Variants in LRRC8D observed in about 807,000 individuals in gnomAD.
The protein encoded by LRRC8D is volume-regulated anion channel subunit LRRC8D.
In LRRC8D, 20 loss-of-function variants were observed where a neutral mutation model predicts 55.8. The ratio of observed to expected loss-of-function variants is 0.36; its 90% confidence interval spans 0.25 to 0.52. The LOEUF (loss-of-function observed/expected upper bound fraction) is 0.52. Ranked by LOEUF, LRRC8D falls within the 20% of genes least tolerant of loss-of-function variation. The pLI, the probability that LRRC8D is intolerant of heterozygous loss-of-function variation, is 0.93. For synonymous variants in LRRC8D, 352 were observed against 377.0 expected, an observed-to-expected ratio of 0.93 and a Z score of 0.77; for missense variants, 651 against 1,030.8, an observed-to-expected ratio of 0.63 and a Z score of 5.05.
At chr1:89,842,440 A>C (rs61773291) in intron 1 of LRRC8D, among the ~76,000 whole-genome samples, 12 of 152,234 alleles carry the variant, frequency 7.9e-5, no homozygotes, top group East Asian at 5.8e-4. Flanking sequence ...GGGATTTAAA[A>C]TGAGATGTTG....
In LRRC8D at chr1:89,841,983, C is replaced by T. The variant is rs151034705; in HGVS notation, c.-147-1655C>T. The stretch of plus-strand genomic sequence containing the variant: ...ATCCCAGCACTTTGGGAGGCTGAGG[C>T]GGGTGGATCATGAGGTCAGGAGATC... On this transcript the variant is annotated intron_variant, in intron 1 of 2. Coordinates refer to ENST00000337338, the MANE Select transcript of LRRC8D (RefSeq NM_001134479.2). Among the ~76,000 whole-genome samples, 1,436 of 152,080 alleles carry T rather than the reference C, an allele frequency of 9.4e-3. 15 individuals are homozygous for T. Among genetic ancestry groups the T allele is most frequent in the African/African-American group, 0.033 (1,378 of 41,476 alleles).
intron 2 of LRRC8D, among the ~76,000 whole-genome samples, chr1:89,868,044 A>G (rs996573078): frequency 1.3e-5 from 2 of 152,198 alleles, no homozygotes; most frequent in Non-Finnish European, 2.9e-5. Flanking sequence ...GAACTGGGTT[A>G]TCTGTGATAA....
chr1:89,887,716 C>G (rs1051103342), intron 2 of LRRC8D, among the ~76,000 whole-genome samples: 1 of 152,142 alleles, frequency 6.6e-6, no homozygotes, highest in African/African-American at 2.4e-5. Context: ...CTAACTCTTT[C>G]TATCCTGTAT....
chr1:89,874,560 T>G (rs1557462381), intron 2 of LRRC8D, among the ~76,000 whole-genome samples: 1 of 151,634 alleles, frequency 6.6e-6, no homozygotes, highest in Non-Finnish European at 1.5e-5. Context: ...CTTTATCACC[T>G]AAAAAAAGAA....
intron 2 of LRRC8D, among the ~76,000 whole-genome samples, chr1:89,922,190 A>G (rs1031177580): frequency 1.3e-5 from 2 of 151,934 alleles, no homozygotes; most frequent in African/African-American, 4.8e-5. Context: ...CAGCCTCCCA[A>G]GTAGCTGGGA....
intron 2 of LRRC8D, among the ~76,000 whole-genome samples, chr1:89,914,256 C>T (rs1003779328): frequency 2.6e-5 from 4 of 152,218 alleles, no homozygotes; most frequent in Admixed American, 6.5e-5. Context: ...GCTCCGAGTG[C>T]GGGGCCCACC....
chr1:89,933,544 C>T lies in LRRC8D; in HGVS notation c.476C>T (p.Pro159Leu), dbSNP rs766660730. 3.1e-6 allele frequency: 5 copies of T among 1,614,108 alleles called. No homozygotes were observed. The highest frequency in any genetic ancestry group is 1.1e-5 in the South Asian group (1 of 91,074). Residue 159 changes from proline (P) to leucine (L), a missense_variant, in exon 3 of 3, where the codon CCG (proline) becomes CTG (leucine). Pro to Leu is a moderately conservative substitution (Grantham distance 98). This residue lies in a region of LRRC8D where 178 missense variants were observed against 374.9 expected (regional missense o/e 0.47). Transcript: ENST00000337338. This position sits in a 1 kb window ranked among gnomAD's most constrained non-coding sequence, Gnocchi z 7.0. ...CAAATGTGTTACCATCTGGCCCTTC[C>T]GTGGTATTCTAAGTACTTTCCATAC... ...INQMCYHLAL[P>L]WYSKYFPYLA...
chr1:89,926,375 T>G (rs1364501432), intron 2 of LRRC8D, among the ~76,000 whole-genome samples: 3 of 152,368 alleles, frequency 2.0e-5, no homozygotes, highest in Admixed American at 6.5e-5. Flanking sequence ...GGGATCTCCT[T>G]GAGGGCAAGG....
Position 89,919,761 on chromosome 1 carries a change from C to T in LRRC8D, c.-2-13306C>T, listed in dbSNP as rs185446889. On this transcript the variant is annotated intron_variant, in intron 2 of 2. Coordinates refer to ENST00000337338, the MANE Select transcript of LRRC8D (RefSeq NM_001134479.2). ...ATGAAACTATTGTCATTATCCCTTG[C>T]TCTTTTTATGTTTCCTCTAAGTTGC... is the stretch of plus-strand genomic sequence containing the variant. 9.1e-4 allele frequency among the ~76,000 whole-genome samples: 138 copies of T among 152,290 alleles called. 1 individual carries two copies. The Middle Eastern group carries it at 0.01, about 11-fold the overall frequency.
intron 2 of LRRC8D, among the ~76,000 whole-genome samples, chr1:89,848,574 G>A (rs369902226): frequency 6.6e-6 from 1 of 152,030 alleles, no homozygotes; most frequent in East Asian, 1.9e-4. Context: ...TCCTTTATTT[G>A]TTAAAAGAAA....
chr1:89,928,192 T>G (rs972692311), intron 2 of LRRC8D, among the ~76,000 whole-genome samples: 3 of 152,154 alleles, frequency 2.0e-5, no homozygotes, highest in African/African-American at 7.2e-5. Flanking sequence ...TGCCTCAGCC[T>G]CCTGAGTAGC....
chr1:89,856,336 A>T (rs533811298), intron 2 of LRRC8D, among the ~76,000 whole-genome samples: 9 of 151,812 alleles, frequency 5.9e-5, no homozygotes, highest in Admixed American at 2.0e-4. Flanking sequence ...TCTCTCTCTC[A>T]CACACACACA....
intron 2 of LRRC8D, among the ~76,000 whole-genome samples, chr1:89,847,545 G>T (rs1484790163): frequency 2.0e-5 from 3 of 152,192 alleles, no homozygotes; most frequent in Non-Finnish European, 4.4e-5. Flanking sequence ...AGGGTAACTA[G>T]CTTTGATGTT....
intron 2 of LRRC8D, among the ~76,000 whole-genome samples, chr1:89,845,071 A>G (rs1172722962): frequency 1.3e-5 from 2 of 152,170 alleles, no homozygotes; most frequent in East Asian, 1.9e-4. Flanking sequence ...GCGCGCTTTC[A>G]CTTTATCGGG....
chr1:89,826,162 C>T (rs564576170), intron 1 of LRRC8D, among the ~76,000 whole-genome samples: 4 of 152,156 alleles, frequency 2.6e-5, no homozygotes, highest in Non-Finnish European at 5.9e-5. Context: ...AAGGCTGTGT[C>T]GAAGTTGGAG....
intron 2 of LRRC8D, among the ~76,000 whole-genome samples, chr1:89,866,100 C>T (rs1411935026): frequency 6.6e-6 from 1 of 152,192 alleles, no homozygotes; most frequent in African/African-American, 2.4e-5. Flanking sequence ...TTGACCTTCC[C>T]TTGGTGTGTT....
intron 2 of LRRC8D, among the ~76,000 whole-genome samples, chr1:89,916,206 TA>T (rs1269403265): frequency 6.6e-6 from 1 of 152,208 alleles, no homozygotes; most frequent in Non-Finnish European, 1.5e-5. Flanking sequence ...AAGAAACCAT[TA>T]ATTCCAAGCA....
chr1:89,860,785 AATATAT>A (rs35932362), intron 2 of LRRC8D, among the ~76,000 whole-genome samples: 57 of 28,198 alleles, frequency 2.0e-3, no homozygotes, highest in African/African-American at 3.6e-3. Flanking sequence ...AAAAAAAAAA[AATATAT>A]ATATATATAT....
intron 2 of LRRC8D, among the ~76,000 whole-genome samples, chr1:89,901,646 G>T (rs751679903): frequency 6.6e-6 from 1 of 152,170 alleles, no homozygotes; most frequent in African/African-American, 2.4e-5. Flanking sequence ...TACCAGATAC[G>T]CAGACTAAAC....
Sources: gnomAD v4.1 joint callset for allele counts (sites outside exome capture counted in the v4.1 genomes callset) on GRCh38, gnomAD v4.1.1 for gene constraint, gnomAD v4.1.1 regional missense constraint, Gnocchi (gnomAD v3.1) non-coding constraint, MANE v1.5 for transcripts, NCBI Gene and HGNC (gene_info 2026-07-23, HGNC 2026-07-21) for gene names.